The following DEAF1 variants were observed in gnomAD, a reference collection of about 807,000 sequenced individuals.
The protein encoded by DEAF1 is DEAF1 transcription factor, also known as deformed epidermal autoregulatory factor 1 homolog.
DEAF1 carries 53 observed loss-of-function variants against 58.9 expected under a neutral mutation model. That is an observed-to-expected ratio of 0.90 (90% CI 0.72 to 1.13). The LOEUF (loss-of-function observed/expected upper bound fraction) is 1.13. Among genes scored for constraint, DEAF1 ranks in the 50% most tolerant of loss-of-function variants. The pLI is 0.00. For synonymous variants in DEAF1, 385 were observed against 340.4 expected, an observed-to-expected ratio of 1.13 and a Z score of -1.44; for missense variants, 685 against 791.4, an observed-to-expected ratio of 0.87 and a Z score of 1.61.
chr11:653,198 T>G (rs1858866514), intron 11 of DEAF1, among the ~76,000 whole-genome samples: 1 of 152,144 alleles, frequency 6.6e-6, no homozygotes, highest in African/African-American at 2.4e-5. Flanking sequence ...AAAATTTCTC[T>G]TGAATTTCTG....
At chr11:657,743 C>A (rs1859127297) in intron 10 of DEAF1, among the ~76,000 whole-genome samples, 1 of 152,120 alleles carries the variant, frequency 6.6e-6, no homozygotes, top group Non-Finnish European at 1.5e-5. Flanking sequence ...GTCGTCCACC[C>A]CCACGAGAAA....
At position 672,744 on chromosome 11, in the gene DEAF1, A is replaced by G. The variant is rs551530243; in HGVS notation, c.1503+1792T>C. ...ATGCCTGTAATCCCAGCTATTCCGG[A>G]GGCTGAGGCAGGAGAATCACTTGAA... On this transcript the variant is annotated intron_variant, in intron 10 of 11. Transcript: ENST00000382409. Among the ~76,000 whole-genome samples the G allele has an allele frequency of 3.3e-4, 50 of 152,172 alleles. 1 individual carries two copies. The highest frequency in any genetic ancestry group is 1.2e-3 in the African/African-American group (50 of 41,522).
intron 5 of DEAF1, 67 bp downstream of exon 5, chr11:686,791 C>A (rs1860611596): frequency 6.2e-7 from 1 of 1,606,886 alleles, no homozygotes; most frequent in South Asian, 1.1e-5. Flanking sequence ...CTCCCTCTGG[C>A]TGGGCCGCCT....
rs745627333 is a variant in DEAF1 at position 674,700 on chromosome 11, G to T, written c.1339C>A (p.Leu447Met). 1 of 1,613,990 alleles carries T rather than the reference G, an allele frequency of 6.2e-7. No individual in the cohort carries two copies. Among genetic ancestry groups the T allele is most frequent in the Non-Finnish European group, 8.5e-7 (1 of 1,180,028 alleles). The part of the protein sequence containing the change: ...APPALVNGLE[L>M]SEPRSWLYLE... ...TACAGCCAGCTCCGCGGCTCTGACA[G>T]CTCCAGCCCATTGACCAACGCGGGA... is the stretch of plus-strand genomic sequence containing the variant. The change falls in exon 10 of 12, where the codon CTG becomes ATG. Residue 447 changes from leucine to methionine, a missense_variant. This residue lies in a region of DEAF1 where 343 missense variants were observed against 379.8 expected (regional missense o/e 0.90). Transcript: ENST00000382409.
chr11:670,934 T>G (rs928900301), intron 10 of DEAF1, among the ~76,000 whole-genome samples: 5 of 135,470 alleles, frequency 3.7e-5, no homozygotes, highest in Admixed American at 3.6e-4. Context: ...GGCTAATGTT[T>G]TTTTTTTTTT....
At chr11:691,461 G>C in intron 2 of DEAF1, 40 bp downstream of exon 2, 1 of 1,594,964 alleles carries the variant, frequency 6.3e-7, no homozygotes. Context: ...CCCCAGCGTG[G>C]CACCACCCGC....
chr11:697,064 C>T (rs75990096), upstream of DEAF1, among the ~76,000 whole-genome samples: 22 of 150,396 alleles, frequency 1.5e-4, no homozygotes, highest in East Asian at 2.2e-3. Context: ...CGCACCATTG[C>T]ACTGCAGCCT....
Position 688,232 on chromosome 11 carries a change from T to A in DEAF1, c.517+99A>T. 6.5e-7 allele frequency: 1 copy of A among 1,541,706 alleles called. No individual in the cohort carries two copies. The highest frequency in any genetic ancestry group is 8.8e-7 in the Non-Finnish European group (1 of 1,140,048). On this transcript the variant is annotated intron_variant, in intron 3 of 11. Transcript: ENST00000382409. The surrounding 1 kb of genome is among the most constrained non-coding windows in gnomAD (Gnocchi z 4.3). ...ATCTATTAATAGATGATATTCCAAA[T>A]TTACCACAAAAAGAAACAAGTAAAT...
intron 1 of DEAF1, 79 bp downstream of exon 1, chr11:694,653 AGGGACAGGTGTGGCGGGCTGGTCACCT>A: frequency 9.3e-7 from 1 of 1,070,138 alleles, no homozygotes; most frequent in South Asian, 2.8e-5. Flanking sequence ...AGCAGGTGTG[AGGGACAGGTGTGGCGGGCTGGTCACCT>A]GGGACAGTTG....
At chr11:676,783 C>T (rs1452399728) in intron 9 of DEAF1, among the ~76,000 whole-genome samples, 5 of 152,078 alleles carry the variant, frequency 3.3e-5, no homozygotes, top group Non-Finnish European at 5.9e-5. Context: ...GGATTACCGG[C>T]GTGAGCCACC....
At position 691,863 on chromosome 11, in the gene DEAF1, C is replaced by T. The variant is rs907551288; in HGVS notation, c.290-265G>A. 2.0e-5 allele frequency among the ~76,000 whole-genome samples: 3 copies of T among 152,200 alleles called. No individual in the cohort carries two copies. In the South Asian group the frequency reaches 6.2e-4, roughly 31 times the overall value. The stretch of plus-strand genomic sequence containing the variant: ...GCAGTAAAAAATGCATACAACAAAC[C>T]CGCCACCCCAGCCAGCCCCAGCTCT... On this transcript the variant is annotated intron_variant, in intron 1 of 11. Coordinates refer to ENST00000382409, the MANE Select transcript of DEAF1 (RefSeq NM_021008.4).
At position 686,887 on chromosome 11, in the gene DEAF1, C is replaced by T. The variant is rs777093412; in HGVS notation, c.775G>A (p.Ala259Thr). 3.7e-6 allele frequency: 6 copies of T among 1,614,122 alleles called. No homozygotes were observed. Among genetic ancestry groups the T allele is most frequent in the Non-Finnish European group, 5.1e-6 (6 of 1,180,056 alleles). The change falls in exon 5 of 12, where the codon GCG becomes ACG. Residue 259 changes from alanine (A) to threonine (T), a missense_variant. By Grantham distance (58) the Ala-to-Thr change is moderately conservative. Around this residue, in one of 3 missense-constraint regions of DEAF1, gnomAD observed 132 missense variants for 234.3 expected, o/e 0.56. Transcript: ENST00000382409. ...SKDWKRSIRY[A>T]GRPLQCLIQD... is the part of the protein sequence containing the mutation. ...ATGAGGCACTGCAAGGGTCGGCCCGCGTAGCGAATGCTTCTTTTCCAGTCC... is the reference window on the plus strand; with the variant it reads ...ATGAGGCACTGCAAGGGTCGGCCCGTGTAGCGAATGCTTCTTTTCCAGTCC...
intron 10 of DEAF1, among the ~76,000 whole-genome samples, chr11:657,974 C>T (rs1430260037): frequency 1.3e-5 from 2 of 152,170 alleles, no homozygotes; most frequent in South Asian, 4.1e-4. Context: ...CCGGAGTTCA[C>T]AGGGACACCC....
At chr11:657,857 G>A (rs960416183) in intron 10 of DEAF1, among the ~76,000 whole-genome samples, 2 of 152,210 alleles carry the variant, frequency 1.3e-5, no homozygotes, top group Non-Finnish European at 2.9e-5. Flanking sequence ...GACCGTCACA[G>A]GCCTGAGGGT....
intron 1 of DEAF1, chr11:694,510 G>A: frequency 2.7e-6 from 1 of 363,756 alleles, no homozygotes. Context: ...GGGTGGGGCA[G>A]GTGTGAGAGG....
chr11:706,878 GCCA>G (rs780223849), exon 1 of DEAF1: 4 of 152,912 alleles, frequency 2.6e-5, no homozygotes, highest in Non-Finnish European at 5.8e-5. Flanking sequence ...CAGAGGCCCT[GCCA>G]GGAGAGGCAG....
At chr11:679,155 A>G (rs1363342988) in intron 8 of DEAF1, among the ~76,000 whole-genome samples, 1 of 152,026 alleles carries the variant, frequency 6.6e-6, no homozygotes, top group Non-Finnish European at 1.5e-5. Flanking sequence ...TACTAAAAAT[A>G]CCAAAAAAAA....
chr11:702,665 C>T (rs2133475249), intron 1 of DEAF1, among the ~76,000 whole-genome samples: 1 of 152,350 alleles, frequency 6.6e-6, no homozygotes, highest in African/African-American at 2.4e-5. Flanking sequence ...CCAAATTCAC[C>T]CCCGCCCACA....
In DEAF1 at chr11:644,596, T is replaced by C. The variant is rs1456474946; in HGVS notation, c.1652A>G (p.Asp551Gly). The change falls in exon 12 of 12, where the codon GAC (aspartate) becomes GGC (glycine). Residue 551 changes from aspartate (D) to glycine (G), a missense_variant. By Grantham distance (94) the Asp-to-Gly change is moderately conservative (BLOSUM62 -1). This residue lies in a region of DEAF1 where 343 missense variants were observed against 379.8 expected (regional missense o/e 0.90). Transcript: ENST00000382409. The surrounding 1 kb of genome is among the most constrained non-coding windows in gnomAD (Gnocchi z 4.3). ...GQSAAVTVQA[D>G]EVHVAESVME... ...CACGCTTTCAGCCACGTGGACTTCG[T>C]CTGCCTGGACGGTGACAGCTGCTGA... The C allele has an allele frequency of 8.7e-6, 14 of 1,613,106 alleles. No homozygotes were observed. The highest frequency in any genetic ancestry group is 1.2e-5 in the Non-Finnish European group (14 of 1,179,994).
Sources: gnomAD v4.1 joint callset for allele counts (sites outside exome capture counted in the v4.1 genomes callset) on GRCh38, gnomAD v4.1.1 for gene constraint, gnomAD v4.1.1 regional missense constraint, Gnocchi (gnomAD v3.1) non-coding constraint, MANE v1.5 for transcripts, NCBI Gene and HGNC (gene_info 2026-07-23, HGNC 2026-07-21) for gene names.